UBAC2: variants seen among roughly 807,000 people sequenced by gnomAD.
UBAC2 encodes the protein UBA domain containing 2.
Under a neutral mutation model 44.0 loss-of-function variants are expected in UBAC2, and 26 were observed. That is an observed-to-expected ratio of 0.59 (90% confidence interval 0.43 to 0.82). The LOEUF (loss-of-function observed/expected upper bound fraction) is 0.82, where lower values mean the gene tolerates loss of function less well. Among genes scored for constraint, UBAC2 ranks in the 40% least tolerant of loss-of-function variants. The probability of loss-of-function intolerance (pLI) is 0.00; values close to 1 mark genes in which losing one functional copy is unlikely to be tolerated. For synonymous variants in UBAC2, 155 were observed against 154.3 expected (o/e 1.00, Z -0.04); for missense variants, 329 against 419.4 (o/e 0.78, Z 1.88).
At chr13:99,359,778 G>A (rs1449527710) in intron 7 of UBAC2, among the ~76,000 whole-genome samples, 2 of 152,306 alleles carry the variant, frequency 1.3e-5, no homozygotes, top group African/African-American at 2.4e-5. Context: ...GCCCTGCCTC[G>A]CCTCCCGTGT....
intron 8 of UBAC2, among the ~76,000 whole-genome samples, chr13:99,370,726 C>T (rs900069622): frequency 2.6e-5 from 4 of 152,164 alleles, no homozygotes; most frequent in Non-Finnish European, 5.9e-5. Context: ...ACCACTGTCA[C>T]GTGCCCATTG....
chr13:99,361,052 C>T (rs2138879998), intron 7 of UBAC2, among the ~76,000 whole-genome samples: 1 of 152,286 alleles, frequency 6.6e-6, no homozygotes, highest in South Asian at 2.1e-4. Flanking sequence ...GATTTCTGTT[C>T]CATGGAACTT....
At chr13:99,222,864 TA>T (rs1365840865) in intron 1 of UBAC2, among the ~76,000 whole-genome samples, 3 of 152,234 alleles carry the variant, frequency 2.0e-5, no homozygotes, top group Non-Finnish European at 4.4e-5. Flanking sequence ...ACTGGCTTCA[TA>T]ACATGAGTTG....
intron 4 of UBAC2, among the ~76,000 whole-genome samples, chr13:99,299,236 A>C (rs2044220937): frequency 2.0e-5 from 3 of 152,264 alleles, no homozygotes; most frequent in Non-Finnish European, 4.4e-5. Flanking sequence ...AATGTTTTAC[A>C]TAGTTTATAA....
At chr13:99,334,796 T>G (rs2044763321) in intron 6 of UBAC2, among the ~76,000 whole-genome samples, 1 of 152,084 alleles carries the variant, frequency 6.6e-6, no homozygotes, top group Non-Finnish European at 1.5e-5. Flanking sequence ...ACATTAAGTA[T>G]GAATAATAGC....
intron 8 of UBAC2, among the ~76,000 whole-genome samples, chr13:99,368,688 A>AGAGAGTGT (rs765104174): frequency 2.0e-5 from 3 of 146,596 alleles, no homozygotes; most frequent in East Asian, 4.0e-4. Context: ...CTCATGAGAG[A>AGAGAGTGT]GTGTGTGTGT....
rs1454531329 is a variant in UBAC2, at chr13:99,267,829, T to A, written c.389+23205T>A. On this transcript the variant is annotated intron_variant, in intron 4 of 8. Transcript: ENST00000403766. ...AAAAACTAGGAGGATATTTCAGTAA[T>A]GGTGGAGGCTAAGCTTCTGTAACAA... Among the ~76,000 whole-genome samples the A allele has an allele frequency of 2.6e-5, 4 of 152,200 alleles. No individual in the cohort carries two copies. The East Asian group carries it at 7.7e-4, about 29-fold the overall frequency.
At chr13:99,369,897 C>T (rs1321754706) in intron 8 of UBAC2, among the ~76,000 whole-genome samples, 1 of 152,086 alleles carries the variant, frequency 6.6e-6, no homozygotes, top group Non-Finnish European at 1.5e-5. Flanking sequence ...ATAAGATAAA[C>T]TTAATTTGAG....
In UBAC2 at chr13:99,207,242, A is replaced by G. The variant is rs555442454; in HGVS notation, c.31+6303A>G. The stretch of plus-strand genomic sequence containing the variant: ...AGCACACAGGCCTGGAAGTGAGACT[A>G]CCTGTACTTCAGATGCTTTCTTGAT... On this transcript the variant is annotated intron_variant, in intron 1 of 8. Transcript: ENST00000403766. Among the ~76,000 whole-genome samples the G allele has an allele frequency of 2.6e-5, 4 of 152,314 alleles. No homozygotes were observed. The South Asian group carries it at 8.3e-4, about 32-fold the overall frequency.
At chr13:99,348,780 G>A (rs2045032179) in intron 7 of UBAC2, among the ~76,000 whole-genome samples, 2 of 152,204 alleles carry the variant, frequency 1.3e-5, no homozygotes. Flanking sequence ...GGAGGCCAAG[G>A]CAGGAGGATA....
chr13:99,319,472 G>A (rs76719678), intron 6 of UBAC2, among the ~76,000 whole-genome samples: 2,259 of 152,162 alleles, frequency 0.015, 59 homozygotes, highest in African/African-American at 0.052. Flanking sequence ...CATCCTGTAC[G>A]CCTGCTTACC....
chr13:99,339,146 C>G (rs2044846099), intron 6 of UBAC2, among the ~76,000 whole-genome samples: 1 of 152,158 alleles, frequency 6.6e-6, no homozygotes, highest in Non-Finnish European at 1.5e-5. Context: ...CAGTAGCCCC[C>G]CAAGATATCT....
intron 4 of UBAC2, among the ~76,000 whole-genome samples, chr13:99,292,334 G>A (rs1397995364): frequency 6.6e-6 from 1 of 151,154 alleles, no homozygotes; most frequent in Non-Finnish European, 1.5e-5. Flanking sequence ...AGTAGAGACC[G>A]GGTTTCACCA....
intron 7 of UBAC2, among the ~76,000 whole-genome samples, chr13:99,358,765 A>T (rs905793550): frequency 2.0e-5 from 3 of 151,998 alleles, no homozygotes; most frequent in Admixed American, 2.0e-4. Context: ...GAGCCTAGAG[A>T]TCTGGTTTAT....
At chr13:99,377,006 G>A (rs2045489413) in intron 8 of UBAC2, 1 of 152,350 alleles carries the variant, frequency 6.6e-6, no homozygotes, top group South Asian at 2.1e-4. Flanking sequence ...CCTCACCATT[G>A]CCTCCACTCA....
chr13:99,280,584 T>A (rs1374646724), intron 4 of UBAC2, among the ~76,000 whole-genome samples: 5 of 152,146 alleles, frequency 3.3e-5, no homozygotes, highest in Admixed American at 3.3e-4. Flanking sequence ...TGGTAATTAT[T>A]TACCTAATTG....
intron 8 of UBAC2, among the ~76,000 whole-genome samples, chr13:99,368,113 G>A (rs1377832517): frequency 6.6e-6 from 1 of 152,054 alleles, no homozygotes; most frequent in Non-Finnish European, 1.5e-5. Flanking sequence ...GTTGGGGGGC[G>A]GCGGGTGGGA....
chr13:99,269,954 A>G (rs2043795565), intron 4 of UBAC2, among the ~76,000 whole-genome samples: 1 of 152,252 alleles, frequency 6.6e-6, no homozygotes. Context: ...AACACCTTTA[A>G]CAGTTTGATA....
At chr13:99,318,821 C>CAAAAAAA in intron 6 of UBAC2, among the ~76,000 whole-genome samples, 1 of 69,896 alleles carries the variant, frequency 1.4e-5, no homozygotes, top group Non-Finnish European at 2.7e-5. Flanking sequence ...GACTCCATCT[C>CAAAAAAA]AAAAAAAAAA....
Sources: allele counts gnomAD v4.1 joint callset (sites outside exome capture counted in the v4.1 genomes callset), GRCh38; gene constraint gnomAD v4.1.1; transcripts MANE v1.5; gene names NCBI Gene and HGNC (gene_info 2026-07-23, HGNC 2026-07-21).